METTL15: variants seen among roughly 807,000 people sequenced by gnomAD.
METTL15 encodes the protein methyltransferase 15, mitochondrial 12S rRNA N4-cytidine.
Under a neutral mutation model 38.3 loss-of-function variants are expected in METTL15, and 34 were observed. The observed-to-expected ratio is 0.89, with a 90% CI of 0.68 to 1.18. The LOEUF is 1.18. METTL15 is among the 50% of genes most tolerant of loss of function. METTL15 has a pLI of 0.00. For missense variants in METTL15, 438 were observed against 498.4 expected (o/e 0.88, Z 1.15); for synonymous variants, 162 against 170.9 (o/e 0.95, Z 0.41).
At chr11:28,241,438 G>A (rs200018323) in intron 4 of METTL15, among the ~76,000 whole-genome samples, 16 of 151,968 alleles carry the variant, frequency 1.1e-4, no homozygotes, top group Admixed American at 7.9e-4. Flanking sequence ...GGAGGCTGAG[G>A]CAGGAGAATG....
chr11:28,287,899 C>A (rs1483453285), intron 4 of METTL15, among the ~76,000 whole-genome samples: 1 of 152,034 alleles, frequency 6.6e-6, no homozygotes, highest in Admixed American at 6.6e-5. Context: ...CTCTTAAAAT[C>A]TCCTTCTCAC....
At chr11:28,128,303 C>T (rs948405287) in intron 3 of METTL15, among the ~76,000 whole-genome samples, 6 of 151,962 alleles carry the variant, frequency 3.9e-5, no homozygotes, top group Admixed American at 2.0e-4. Context: ...CTGTTAGGTA[C>T]TATATACTAC....
intron 6 of METTL15, among the ~76,000 whole-genome samples, chr11:28,495,016 A>G (rs1281794086): frequency 6.6e-6 from 1 of 152,244 alleles, no homozygotes; most frequent in Non-Finnish European, 1.5e-5. Context: ...AGTACCTGGC[A>G]TGGAGTCACT....
chr11:28,325,452 A>G (rs1849603908), intron 6 of METTL15, among the ~76,000 whole-genome samples: 1 of 152,194 alleles, frequency 6.6e-6, no homozygotes, highest in Non-Finnish European at 1.5e-5. Context: ...TTGGGCACAT[A>G]GGTTTGATAT....
intron 4 of METTL15, among the ~76,000 whole-genome samples, chr11:28,272,479 A>G (rs1393140892): frequency 6.6e-6 from 1 of 152,152 alleles, no homozygotes; most frequent in Non-Finnish European, 1.5e-5. Context: ...CAGAAAACCA[A>G]ATGCCACATG....
chr11:28,236,102 A>T (rs896991620), intron 4 of METTL15, among the ~76,000 whole-genome samples: 1 of 152,110 alleles, frequency 6.6e-6, no homozygotes, highest in African/African-American at 2.4e-5. Flanking sequence ...TATATGCTGG[A>T]TTACATTTAT....
chr11:28,285,947 C>T (rs868503283), intron 4 of METTL15, among the ~76,000 whole-genome samples: 1 of 152,094 alleles, frequency 6.6e-6, no homozygotes, highest in African/African-American at 2.4e-5. Context: ...GGATAATGTA[C>T]ACAAAGTAGT....
intron 6 of METTL15, among the ~76,000 whole-genome samples, chr11:28,486,089 T>C (rs1037106847): frequency 6.6e-6 from 1 of 152,152 alleles, no homozygotes; most frequent in Non-Finnish European, 1.5e-5. Context: ...ATTTAGTCCA[T>C]AGTTAGCGCT....
At chr11:28,275,599 A>G (rs1318685656) in intron 4 of METTL15, among the ~76,000 whole-genome samples, 2 of 151,468 alleles carry the variant, frequency 1.3e-5, no homozygotes, top group Non-Finnish European at 3.0e-5. Context: ...AACTAATCCT[A>G]CAAGATCAGA....
intron 6 of METTL15, among the ~76,000 whole-genome samples, chr11:28,434,328 CT>C (rs1850962921): frequency 6.6e-6 from 1 of 152,208 alleles, no homozygotes; most frequent in Non-Finnish European, 1.5e-5. Context: ...AATTAAACCT[CT>C]TTCCTTTATA....
At chr11:28,334,106 T>C (rs1849878490), downstream of METTL15, among the ~76,000 whole-genome samples, 1 of 151,912 alleles carries the variant, frequency 6.6e-6, no homozygotes, top group African/African-American at 2.4e-5. Context: ...TATGTATATA[T>C]GTACTCAAGC....
intron 6 of METTL15, among the ~76,000 whole-genome samples, chr11:28,297,250 A>C (rs1856774400): frequency 6.6e-6 from 1 of 152,126 alleles, no homozygotes; most frequent in Admixed American, 6.6e-5. Context: ...TGTGTCTACC[A>C]AGGTGAAACA....
At chr11:28,409,009 A>G (rs1342917523) in intron 5 of METTL15, among the ~76,000 whole-genome samples, 1 of 152,192 alleles carries the variant, frequency 6.6e-6, no homozygotes, top group East Asian at 1.9e-4. Flanking sequence ...GCAGCAGAAT[A>G]TACGTTCTTT....
intron 6 of METTL15, among the ~76,000 whole-genome samples, chr11:28,504,659 G>T (rs1851612656): frequency 6.6e-6 from 1 of 152,204 alleles, no homozygotes; most frequent in Non-Finnish European, 1.5e-5. Flanking sequence ...AACCTACTCA[G>T]ATTATTAGGT....
Position 28,268,175 on chromosome 11 carries a change from C to T in METTL15, c.408-22031C>T, listed in dbSNP as rs375593599. 5.5e-4 allele frequency among the ~76,000 whole-genome samples: 58 copies of T among 105,964 alleles called. No homozygotes were observed. The East Asian group carries it at 0.016, about 29-fold the overall frequency. The allele number at this position is 105,964 out of a possible 152,430, so 69.5% of individuals were successfully genotyped here. On this transcript the variant is annotated intron_variant, in intron 4 of 6. Transcript: ENST00000407364. ...TCCCGCCACTGCACTCCAGCCTGGG[C>T]GACAGAGCGAGACTCCGTCTCAAAA...
chr11:28,109,093 C>G (rs973890022), intron 1 of METTL15, among the ~76,000 whole-genome samples: 15 of 152,120 alleles, frequency 9.9e-5, no homozygotes, highest in African/African-American at 3.4e-4. Context: ...TTCAATATCA[C>G]TTTATAAATA....
chr11:28,310,001 G>A (rs1384557597), intron 6 of METTL15, among the ~76,000 whole-genome samples: 1 of 151,958 alleles, frequency 6.6e-6, no homozygotes, highest in African/African-American at 2.4e-5. Context: ...ACATATTTTG[G>A]AGTTTCTACC....
rs1855501979 is a variant in METTL15, at chr11:28,268,151, C to T, written c.408-22055C>T. 2.1e-5 allele frequency among the ~76,000 whole-genome samples: 3 copies of T among 144,816 alleles called. No individual in the cohort carries two copies. The Admixed American group carries it at 2.1e-4, about 10-fold the overall frequency. On this transcript the variant is annotated intron_variant, in intron 4 of 6. Transcript: ENST00000407364. ...GGCGGAGCTTGCAGTGAGCCGAGAT[C>T]CCGCCACTGCACTCCAGCCTGGGCG...
intron 6 of METTL15, among the ~76,000 whole-genome samples, chr11:28,447,311 G>A (rs1462274081): frequency 6.6e-6 from 1 of 152,110 alleles, no homozygotes; most frequent in East Asian, 1.9e-4. Context: ...GACCAGGCAT[G>A]CAGAAATATT....
Sources: allele counts gnomAD v4.1 joint callset (sites outside exome capture counted in the v4.1 genomes callset), GRCh38; gene constraint gnomAD v4.1.1; transcripts MANE v1.5; gene names NCBI Gene and HGNC (gene_info 2026-07-23, HGNC 2026-07-21).